Variants in TTC28 observed in about 807,000 individuals in gnomAD.
The protein encoded by TTC28 is tetratricopeptide repeat protein 28.
TTC28 carries 61 observed loss-of-function variants against 198.0 expected under a neutral mutation model. The ratio of observed to expected loss-of-function variants is 0.31; its 90% CI spans 0.25 to 0.38. The LOEUF (loss-of-function observed/expected upper bound fraction) is 0.38, where lower values mean the gene tolerates loss of function less well. Ranked by LOEUF, TTC28 falls within the 10% of genes least tolerant of loss-of-function variation. The pLI is 1.00. For synonymous variants in TTC28, 1,171 were observed against 1,297.8 expected (o/e 0.90, Z 2.10); for missense variants, 2,678 against 3,164.0 (o/e 0.85, Z 3.69).
At chr22:28,197,488 C>T (rs1036709511) in intron 5 of TTC28, among the ~76,000 whole-genome samples, 15 of 151,728 alleles carry the variant, frequency 9.9e-5, no homozygotes, top group Non-Finnish European at 8.8e-5. Flanking sequence ...CAAAAAAAGA[C>T]AAACATAAAA....
At chr22:28,625,019 G>GA (rs2051056983) in intron 2 of TTC28, among the ~76,000 whole-genome samples, 1 of 151,882 alleles carries the variant, frequency 6.6e-6, no homozygotes, top group South Asian at 2.1e-4. Context: ...AATAGATGAA[G>GA]AAAAAATAGA....
chr22:28,377,210 A>C (rs1427181489), intron 2 of TTC28, among the ~76,000 whole-genome samples: 1 of 151,462 alleles, frequency 6.6e-6, no homozygotes, highest in African/African-American at 2.4e-5. Context: ...TAAAAAAAAA[A>C]AAAAAACCAT....
intron 6 of TTC28, among the ~76,000 whole-genome samples, chr22:28,118,725 T>A (rs1942707326): frequency 6.6e-6 from 1 of 152,144 alleles, no homozygotes; most frequent in South Asian, 2.1e-4. Context: ...TGTATCCCTA[T>A]TGTTAAACGA....
intron 12 of TTC28, among the ~76,000 whole-genome samples, chr22:28,048,711 C>T (rs1939964512): frequency 6.6e-6 from 1 of 152,040 alleles, no homozygotes; most frequent in Non-Finnish European, 1.5e-5. Context: ...GTCTAGCTTT[C>T]AAATCTTATC....
intron 5 of TTC28, among the ~76,000 whole-genome samples, chr22:28,228,882 C>T (rs570544839): frequency 9.9e-5 from 15 of 152,012 alleles, no homozygotes; most frequent in South Asian, 4.2e-4. Context: ...CCCGGCGAGG[C>T]GTGGTGGCTC....
chr22:28,005,222 G>A lies in TTC28; in HGVS notation c.4219-3669C>T, dbSNP rs928615486. ...CAGCAAATGATGCTTGAGAACTTACGGTGTTCCAGGCCAGGTGAGGGAAAA... is the reference window on the plus strand; with the variant it reads ...CAGCAAATGATGCTTGAGAACTTACAGTGTTCCAGGCCAGGTGAGGGAAAA... On this transcript the variant is annotated intron_variant, in intron 14 of 22. Transcript: ENST00000397906. This position sits in a 1 kb window ranked among gnomAD's most constrained non-coding sequence, Gnocchi z 4.9. Among the ~76,000 whole-genome samples the A allele has an allele frequency of 2.6e-5, 4 of 152,172 alleles. No homozygotes were observed. The highest frequency in any genetic ancestry group is 9.7e-5 in the African/African-American group (4 of 41,424).
intron 2 of TTC28, among the ~76,000 whole-genome samples, chr22:28,309,753 T>C (rs1336304945): frequency 6.6e-6 from 1 of 152,130 alleles, no homozygotes; most frequent in African/African-American, 2.4e-5. Context: ...ACTTACTTCA[T>C]GAACTTACCA....
Position 28,490,194 on chromosome 22 carries a change from C to T in TTC28, c.381+139358G>A, listed in dbSNP as rs1365812155. On this transcript the variant is annotated intron_variant, in intron 2 of 22. Transcript: ENST00000397906. ...TCCTTTGGCAACACCCTCACAGACA[C>T]ACCCAAGATCAATACTTCACATCCT... 3.9e-5 allele frequency among the ~76,000 whole-genome samples: 6 copies of T among 152,336 alleles called. No individual in the cohort carries two copies. In the South Asian group the frequency reaches 8.3e-4, roughly 21 times the overall value.
intron 2 of TTC28, among the ~76,000 whole-genome samples, chr22:28,571,257 A>G (rs2050056181): frequency 6.6e-6 from 1 of 152,204 alleles, no homozygotes; most frequent in Non-Finnish European, 1.5e-5. Context: ...AATTTTCTAC[A>G]TCATAACTGA....
At chr22:28,346,442 C>T (rs1224879606) in intron 2 of TTC28, among the ~76,000 whole-genome samples, 5 of 152,116 alleles carry the variant, frequency 3.3e-5, no homozygotes, top group East Asian at 3.9e-4. Context: ...TGGAAAATTC[C>T]GAAAGCTAAG....
At chr22:28,316,891 T>C (rs113804070) in intron 2 of TTC28, among the ~76,000 whole-genome samples, 2 of 152,134 alleles carry the variant, frequency 1.3e-5, no homozygotes, top group African/African-American at 4.8e-5. Flanking sequence ...TTAAGCCTCC[T>C]GCATAGCTGG....
intron 12 of TTC28, among the ~76,000 whole-genome samples, chr22:28,031,572 C>T (rs1255621572): frequency 6.6e-6 from 1 of 152,118 alleles, no homozygotes; most frequent in Non-Finnish European, 1.5e-5. Flanking sequence ...TTAGGACAAA[C>T]ATGACCCACT....
chr22:28,442,515 G>T (rs1190417291), intron 2 of TTC28, among the ~76,000 whole-genome samples: 4 of 152,220 alleles, frequency 2.6e-5, no homozygotes, highest in Non-Finnish European at 5.9e-5. Flanking sequence ...CTGTGTCAGG[G>T]GTGCAGCCTC....
At chr22:28,233,804 G>A (rs1453220133) in intron 5 of TTC28, among the ~76,000 whole-genome samples, 1 of 152,098 alleles carries the variant, frequency 6.6e-6, no homozygotes, top group Non-Finnish European at 1.5e-5. Context: ...GAGTGCAGTG[G>A]CGCAATCTCA....
At chr22:28,255,214 G>T (rs1930814307) in intron 5 of TTC28, among the ~76,000 whole-genome samples, 1 of 151,872 alleles carries the variant, frequency 6.6e-6, no homozygotes, top group African/African-American at 2.4e-5. Flanking sequence ...TCACCAAGAG[G>T]GAGTAGACAC....
intron 14 of TTC28, among the ~76,000 whole-genome samples, chr22:28,004,481 G>A (rs1008227583): frequency 6.6e-6 from 1 of 152,172 alleles, no homozygotes; most frequent in Non-Finnish European, 1.5e-5. Flanking sequence ...TAGGGAGGCT[G>A]TTCTCTGAAC....
Position 28,329,216 on chromosome 22 carries a change from C to CAT in TTC28, c.382-22575_382-22574dup, listed in dbSNP as rs553978741. On this transcript the variant is annotated intron_variant, in intron 2 of 22. Transcript: ENST00000397906. ...ATAGATATATGTATGTATGTGTGTG[C>CAT]ATATATATATACATACAGAGTATTA... 8.5e-4 allele frequency among the ~76,000 whole-genome samples: 129 copies of CAT among 151,966 alleles called. 1 individual carries two copies. The highest frequency in any genetic ancestry group is 1.4e-3 in the African/African-American group (58 of 41,432).
chr22:28,614,915 A>G (rs949696633), intron 2 of TTC28, among the ~76,000 whole-genome samples: 1 of 152,192 alleles, frequency 6.6e-6, no homozygotes, highest in African/African-American at 2.4e-5. Context: ...CACCAAAAGC[A>G]ACGGCAACAA....
intron 2 of TTC28, among the ~76,000 whole-genome samples, chr22:28,464,576 G>A (rs2047993537): frequency 6.6e-6 from 1 of 151,960 alleles, no homozygotes; most frequent in East Asian, 1.9e-4. Flanking sequence ...TAAATTAAGT[G>A]GTGATAAAAT....
Sources: gnomAD v4.1 joint callset for allele counts (sites outside exome capture counted in the v4.1 genomes callset) on GRCh38, gnomAD v4.1.1 for gene constraint, Gnocchi (gnomAD v3.1) non-coding constraint, MANE v1.5 for transcripts, NCBI Gene and HGNC (gene_info 2026-07-23, HGNC 2026-07-21) for gene names.